The following VSTM4 variants were observed in gnomAD, a reference collection of about 807,000 sequenced individuals.
VSTM4 encodes the protein V-set and transmembrane domain-containing protein 4.
VSTM4 carries 20 observed loss-of-function variants against 36.4 expected under a neutral mutation model. The ratio of observed to expected loss-of-function variants is 0.55; its 90% CI spans 0.39 to 0.80. The LOEUF is 0.80. Ranked by LOEUF, VSTM4 falls within the 30% of genes least tolerant of loss-of-function variation. The probability of loss-of-function intolerance (pLI) is 0.00; values close to 1 mark genes in which losing one functional copy is unlikely to be tolerated. For synonymous variants in VSTM4, 182 were observed against 173.9 expected (o/e 1.05, Z -0.37); for missense variants, 392 against 404.5 (o/e 0.97, Z 0.26).
chr10:49,102,286 A>T (rs911049331), intron 2 of VSTM4: 2 of 452,540 alleles, frequency 4.4e-6, no homozygotes, highest in African/African-American at 4.3e-5. Flanking sequence ...ACAGGTGCAC[A>T]CCACCACACC....
At chr10:49,114,800 A>G (rs965166502) in intron 1 of VSTM4, among the ~76,000 whole-genome samples, 7 of 152,188 alleles carry the variant, frequency 4.6e-5, no homozygotes, top group African/African-American at 1.7e-4. Flanking sequence ...TAAGACACTT[A>G]CAAGTGGGAG....
intron 7 of VSTM4, among the ~76,000 whole-genome samples, chr10:49,044,760 C>T (rs567375542): frequency 8.3e-4 from 126 of 152,248 alleles, no homozygotes; most frequent in African/African-American, 2.9e-3. Context: ...CTTTATGTGT[C>T]TCGTTTAAAA....
At position 49,053,249 on chromosome 10, in the gene VSTM4, C is replaced by T. The variant is rs146369096; in HGVS notation, c.669-4665G>A. Among the ~76,000 whole-genome samples, 326 of 152,278 alleles carry T rather than the reference C, an allele frequency of 2.1e-3. 1 individual carries two copies. The highest frequency in any genetic ancestry group is 7.5e-3 in the African/African-American group (312 of 41,554). On this transcript the variant is annotated intron_variant, in intron 5 of 7. Coordinates refer to ENST00000332853, the MANE Select transcript of VSTM4 (RefSeq NM_001031746.5). ...GTGGAGCAAGGCTATTTTTCTGCCT[C>T]CAACAAGGGCAGGCAGGATGTCGCA...
In VSTM4 at chr10:49,015,956, C is replaced by T. The variant is rs1380841998; in HGVS notation, c.*3694G>A. The T allele has an allele frequency of 6.6e-6, 1 of 152,288 alleles. No individual in the cohort carries two copies. The highest frequency in any genetic ancestry group is 1.5e-5 in the Non-Finnish European group (1 of 68,108). The allele number at this position is 152,288 out of a possible 1,614,324, so 9.4% of individuals were successfully genotyped here. Reference sequence around the variant, plus strand: ...TCCCTTCCTTAGGGAGAGCATCAGTCCTGGAGCCCTCCATCGGGAGCTCTC... The same window carrying T: ...TCCCTTCCTTAGGGAGAGCATCAGTTCTGGAGCCCTCCATCGGGAGCTCTC... On this transcript the variant is annotated 3_prime_UTR_variant, in exon 8 of 8. Coordinates refer to ENST00000332853, the MANE Select transcript of VSTM4 (RefSeq NM_001031746.5).
At chr10:49,039,926 G>A (rs1200134754) in intron 7 of VSTM4, among the ~76,000 whole-genome samples, 1 of 152,240 alleles carries the variant, frequency 6.6e-6, no homozygotes, top group Non-Finnish European at 1.5e-5. Flanking sequence ...CTTTCTCAGT[G>A]TCTTCTGAAA....
At chr10:49,040,971 G>T (rs1347915189) in intron 7 of VSTM4, among the ~76,000 whole-genome samples, 1 of 152,132 alleles carries the variant, frequency 6.6e-6, no homozygotes, top group African/African-American at 2.4e-5. Context: ...TACAAAATTA[G>T]ACACCTAAAT....
intron 4 of VSTM4, among the ~76,000 whole-genome samples, chr10:49,073,037 C>G (rs543996317): frequency 1.0e-3 from 154 of 152,306 alleles, no homozygotes; most frequent in African/African-American, 3.7e-3. Flanking sequence ...ACCTTCAAAG[C>G]CAGGAAGGAA....
intron 2 of VSTM4, among the ~76,000 whole-genome samples, chr10:49,087,506 G>A (rs1387807843): frequency 1.3e-5 from 2 of 152,142 alleles, no homozygotes; most frequent in Non-Finnish European, 2.9e-5. Flanking sequence ...TTAGAGTAGG[G>A]GGATGGTCAC....
intron 1 of VSTM4, among the ~76,000 whole-genome samples, chr10:49,113,921 T>C (rs1590145421): frequency 6.6e-6 from 1 of 152,094 alleles, no homozygotes; most frequent in Non-Finnish European, 1.5e-5. Flanking sequence ...TAAAGGCTCC[T>C]GAATTCCAGC....
At chr10:49,111,512 G>C (rs1453098793) in intron 1 of VSTM4, among the ~76,000 whole-genome samples, 1 of 152,266 alleles carries the variant, frequency 6.6e-6, no homozygotes, top group Non-Finnish European at 1.5e-5. Context: ...CCAGGTAGAT[G>C]ATGGAGCAGC....
intron 5 of VSTM4, among the ~76,000 whole-genome samples, chr10:49,059,867 T>TC: frequency 6.6e-6 from 1 of 152,308 alleles, no homozygotes; most frequent in African/African-American, 2.4e-5. Flanking sequence ...TTATAGTTAA[T>TC]CCCCACTCCC....
At chr10:49,078,523 G>GA (rs34919134) in intron 3 of VSTM4, among the ~76,000 whole-genome samples, 2,080 of 137,852 alleles carry the variant, frequency 0.015, 57 homozygotes, top group East Asian at 0.076. Flanking sequence ...TACGCTGAGT[G>GA]AAAAAAAAAA....
rs1843133827 is a variant in VSTM4, at chr10:49,018,468, CAT to C, written c.*1180_*1181del. 6.6e-6 allele frequency: 1 copy of C among 152,188 alleles called. No homozygotes were observed. The highest frequency in any genetic ancestry group is 1.5e-5 in the Non-Finnish European group (1 of 68,032). The allele number at this position is 152,188 out of a possible 1,614,324, so 9.4% of individuals were successfully genotyped here. A position where few individuals can be genotyped will look rare whatever the true frequency, so the allele number is the denominator to read the frequency against. Reference sequence around the variant, plus strand: ...GCTGTGTTTAAAATAGATAATTTATCATATATACATGGTCCACTACATAGTCA... The same window carrying C: ...GCTGTGTTTAAAATAGATAATTTATCATATACATGGTCCACTACATAGTCA... On this transcript the variant is annotated 3_prime_UTR_variant, in exon 8 of 8. Transcript: ENST00000332853.
intron 5 of VSTM4, among the ~76,000 whole-genome samples, chr10:49,058,561 A>G (rs1843822188): frequency 6.6e-6 from 1 of 152,098 alleles, no homozygotes; most frequent in East Asian, 1.9e-4. Context: ...TGCCCTGGGA[A>G]AGGAACAGTC....
intron 7 of VSTM4, among the ~76,000 whole-genome samples, chr10:49,022,201 C>A (rs1039324777): frequency 6.6e-6 from 1 of 152,126 alleles, no homozygotes; most frequent in Non-Finnish European, 1.5e-5. Context: ...TTTATAGTCA[C>A]ACAGACATTT....
intron 5 of VSTM4, among the ~76,000 whole-genome samples, chr10:49,058,409 T>A (rs751129124): frequency 2.2e-4 from 33 of 152,158 alleles, no homozygotes; most frequent in Non-Finnish European, 3.8e-4. Context: ...ACTCCGGGTT[T>A]CCAGGAATTT....
chr10:49,053,090 G>A (rs551604866), intron 5 of VSTM4, among the ~76,000 whole-genome samples: 160 of 152,316 alleles, frequency 1.1e-3, no homozygotes, highest in African/African-American at 3.5e-3. Flanking sequence ...GCTATATTTT[G>A]TCTCTGACAC....
In VSTM4 at chr10:49,085,975, T is replaced by A. The variant is rs757681973; in HGVS notation, c.506A>T (p.Glu169Val). ...TTTACCTTCAAAAAATGCCCAAGTC[T>A]CTTTTGTTTTCTCAAAGGATGACTC... is the stretch of plus-strand genomic sequence containing the variant. ...SEESSFEKTKETWAFFEDLYV... is the reference protein window; with the variant it reads ...SEESSFEKTKVTWAFFEDLYV... The change falls in exon 3 of 8, where the codon GAG becomes GTG. Residue 169 changes from glutamate to valine, a missense_variant. Coordinates refer to ENST00000332853, the MANE Select transcript of VSTM4 (RefSeq NM_001031746.5). The A allele has an allele frequency of 6.3e-7, 1 of 1,594,334 alleles. No individual in the cohort carries two copies. Among genetic ancestry groups the A allele is most frequent in the South Asian group, 1.2e-5 (1 of 85,812 alleles).
chr10:49,062,607 T>C (rs1478100274), intron 5 of VSTM4, among the ~76,000 whole-genome samples: 5 of 152,232 alleles, frequency 3.3e-5, no homozygotes, highest in South Asian at 4.1e-4. Context: ...TGCCTGGCAT[T>C]CACTCAGTTT....
Sources: allele counts gnomAD v4.1 joint callset (sites outside exome capture counted in the v4.1 genomes callset), GRCh38; gene constraint gnomAD v4.1.1; transcripts MANE v1.5; gene names NCBI Gene and HGNC (gene_info 2026-07-23, HGNC 2026-07-21).